Variants in SCAPER observed in about 807,000 individuals in gnomAD.
The protein encoded by SCAPER is S phase cyclin A-associated protein in the endoplasmic reticulum.
A neutral mutation model predicts 182.2 loss-of-function variants in SCAPER; 98 were observed. That is an observed-to-expected ratio of 0.54 (90% CI 0.46 to 0.64). SCAPER has a LOEUF of 0.64. Ranked by LOEUF, SCAPER falls within the 30% of genes least tolerant of loss-of-function variation. SCAPER has a pLI of 0.00. For synonymous variants in SCAPER, 605 were observed against 564.6 expected, an observed-to-expected ratio of 1.07 and a Z score of -1.01; for missense variants, 1,432 against 1,690.0, an observed-to-expected ratio of 0.85 and a Z score of 2.68.
At chr15:76,491,575 A>T (rs2052310715) in intron 24 of SCAPER, among the ~76,000 whole-genome samples, 1 of 152,142 alleles carries the variant, frequency 6.6e-6, no homozygotes, top group African/African-American at 2.4e-5. Context: ...CACAAGTAGT[A>T]TATGTAGTTC....
intron 4 of SCAPER, among the ~76,000 whole-genome samples, chr15:76,843,717 G>A (rs1213254096): frequency 6.6e-6 from 1 of 152,090 alleles, no homozygotes; most frequent in Non-Finnish European, 1.5e-5. Context: ...AACCACTCAG[G>A]AGACTGAGGC....
At chr15:76,414,388 A>T (rs2045508463) in intron 26 of SCAPER, among the ~76,000 whole-genome samples, 1 of 152,016 alleles carries the variant, frequency 6.6e-6, no homozygotes, top group Admixed American at 6.6e-5. Flanking sequence ...AAAAAGTGCA[A>T]TGAGAACTAC....
At chr15:76,539,545 CTTTTTTTTTT>C (rs36086361) in intron 23 of SCAPER, among the ~76,000 whole-genome samples, 4 of 119,414 alleles carry the variant, frequency 3.3e-5, no homozygotes, top group African/African-American at 9.4e-5. Context: ...ATCAAAATTT[CTTTTTTTTTT>C]TTTTTTTTTG....
At chr15:76,397,380 T>A (rs1432474040) in intron 27 of SCAPER, among the ~76,000 whole-genome samples, 1 of 152,068 alleles carries the variant, frequency 6.6e-6, no homozygotes, top group African/African-American at 2.4e-5. Flanking sequence ...TTTTTTGGAA[T>A]AGTTTGAGTA....
intron 23 of SCAPER, among the ~76,000 whole-genome samples, chr15:76,542,570 A>G (rs1473549474): frequency 2.7e-5 from 4 of 150,884 alleles, no homozygotes; most frequent in Middle Eastern, 3.4e-3. Flanking sequence ...AAATAAAATA[A>G]AATAAAATAA....
intron 25 of SCAPER, among the ~76,000 whole-genome samples, chr15:76,454,257 C>T (rs968685003): frequency 6.6e-5 from 10 of 152,134 alleles, no homozygotes; most frequent in Non-Finnish European, 1.2e-4. Flanking sequence ...TTTCCTCTGA[C>T]CCCTGAAAAT....
chr15:76,733,630 TG>T (rs1361279979), intron 15 of SCAPER, among the ~76,000 whole-genome samples: 1 of 151,440 alleles, frequency 6.6e-6, no homozygotes, highest in Non-Finnish European at 1.5e-5. Context: ...GGCAGGTGCC[TG>T]TAATCCCAGC....
chr15:76,510,435 G>A (rs1212635642), intron 23 of SCAPER, among the ~76,000 whole-genome samples: 1 of 152,014 alleles, frequency 6.6e-6, no homozygotes, highest in Non-Finnish European at 1.5e-5. Context: ...ATAGGCTGAG[G>A]ATATGAATAG....
intron 23 of SCAPER, among the ~76,000 whole-genome samples, chr15:76,551,669 CTG>C (rs1452136749): frequency 6.6e-6 from 1 of 152,044 alleles, no homozygotes; most frequent in Non-Finnish European, 1.5e-5. Flanking sequence ...TAACAATACT[CTG>C]TATATCAAAA....
intron 20 of SCAPER, among the ~76,000 whole-genome samples, chr15:76,684,804 C>A (rs2057933546): frequency 6.6e-6 from 1 of 151,576 alleles, no homozygotes; most frequent in African/African-American, 2.4e-5. Context: ...AGGACCAGGA[C>A]CAGATGAATT....
At chr15:76,867,353 C>T (rs62029239) in intron 2 of SCAPER, among the ~76,000 whole-genome samples, 1 of 152,066 alleles carries the variant, frequency 6.6e-6, no homozygotes, top group Admixed American at 6.6e-5. Flanking sequence ...CTACTAACGC[C>T]CTTAATACTT....
chr15:76,408,091 T>C (rs917191064), intron 26 of SCAPER, among the ~76,000 whole-genome samples: 1 of 152,202 alleles, frequency 6.6e-6, no homozygotes, highest in East Asian at 1.9e-4. Context: ...ATATTTTAAA[T>C]AGTTTTTTTT....
intron 22 of SCAPER, among the ~76,000 whole-genome samples, chr15:76,592,612 T>C (rs1228245893): frequency 8.2e-6 from 1 of 122,302 alleles, no homozygotes; most frequent in African/African-American, 2.5e-5. Context: ...CATTTCCAAC[T>C]GAGGTACCTG....
chr15:76,756,435 A>T (rs1425437016), intron 14 of SCAPER, among the ~76,000 whole-genome samples: 1 of 152,028 alleles, frequency 6.6e-6, no homozygotes, highest in Non-Finnish European at 1.5e-5. Context: ...AAATTTAACC[A>T]GGCAAGATGG....
intron 21 of SCAPER, among the ~76,000 whole-genome samples, chr15:76,631,416 A>T (rs577489190): frequency 6.6e-6 from 1 of 152,252 alleles, no homozygotes; most frequent in South Asian, 2.1e-4. Context: ...GTGTTTTTGT[A>T]GTGGCTGGTA....
At chr15:76,859,132 T>C (rs2071658895) in intron 3 of SCAPER, among the ~76,000 whole-genome samples, 1 of 152,260 alleles carries the variant, frequency 6.6e-6, no homozygotes, top group East Asian at 1.9e-4. Context: ...CTCTCCAGCA[T>C]TTCAAAATAG....
At chr15:76,603,157 G>C (rs1205012490) in intron 22 of SCAPER, among the ~76,000 whole-genome samples, 3 of 118,656 alleles carry the variant, frequency 2.5e-5, no homozygotes, top group South Asian at 2.6e-4. Flanking sequence ...TTAGCATTAG[G>C]TATATCTCCT....
At chr15:76,357,898 A>G (rs1319062027) in intron 29 of SCAPER, among the ~76,000 whole-genome samples, 1 of 152,220 alleles carries the variant, frequency 6.6e-6, no homozygotes, top group Non-Finnish European at 1.5e-5. Context: ...CTGTGTACAC[A>G]TGAACATAGA....
intron 23 of SCAPER, among the ~76,000 whole-genome samples, chr15:76,520,485 T>G (rs1344543211): frequency 2.6e-5 from 4 of 152,296 alleles, no homozygotes; most frequent in Middle Eastern, 3.4e-3. Flanking sequence ...CCCAAAGTCC[T>G]GGGATGACAG....
Sources: gnomAD v4.1 joint callset for allele counts (sites outside exome capture counted in the v4.1 genomes callset) on GRCh38, gnomAD v4.1.1 for gene constraint, MANE v1.5 for transcripts, NCBI Gene and HGNC (gene_info 2026-07-23, HGNC 2026-07-21) for gene names.